The following CPA6 variants were observed in gnomAD, a reference collection of about 807,000 sequenced individuals.
CPA6 encodes the protein carboxypeptidase B.
In CPA6, 58 loss-of-function variants were observed where a neutral mutation model predicts 63.3. The observed-to-expected ratio is 0.92, with a 90% CI of 0.74 to 1.14. The LOEUF is 1.14. CPA6 is among the 50% of genes most tolerant of loss of function. The probability of loss-of-function intolerance (pLI) is 0.00; values close to 1 mark genes in which losing one functional copy is unlikely to be tolerated. For missense variants in CPA6, 565 were observed against 526.6 expected, an observed-to-expected ratio of 1.07 and a Z score of -0.71; for synonymous variants, 185 against 179.0, an observed-to-expected ratio of 1.03 and a Z score of -0.27.
intron 1 of CPA6, among the ~76,000 whole-genome samples, chr8:67,641,819 TAAAAA>T (rs200922321): frequency 6.8e-6 from 1 of 147,790 alleles, no homozygotes; most frequent in African/African-American, 2.5e-5. Flanking sequence ...ATAGCAAACT[TAAAAA>T]AAAAAGTAAC....
At chr8:67,671,521 A>T (rs973448292) in intron 1 of CPA6, among the ~76,000 whole-genome samples, 1 of 152,148 alleles carries the variant, frequency 6.6e-6, no homozygotes, top group Non-Finnish European at 1.5e-5. Context: ...AACAAGATAA[A>T]ATACTGCTTC....
intron 2 of CPA6, among the ~76,000 whole-genome samples, chr8:67,575,676 G>A (rs1587584245): frequency 6.6e-6 from 1 of 152,098 alleles, no homozygotes; most frequent in Admixed American, 6.5e-5. Context: ...GGCCAACATG[G>A]TGAAACCCTG....
chr8:67,673,393 T>A lies in CPA6; in HGVS notation c.117-49142A>T, dbSNP rs867248921. Reference sequence around the variant, plus strand: ...ATTATTATTATTATTTATTTATTTTTTTTTTTTTGAGACTGAATCTCGCTC... The same window carrying A: ...ATTATTATTATTATTTATTTATTTTATTTTTTTTGAGACTGAATCTCGCTC... On this transcript the variant is annotated intron_variant, in intron 1 of 10. Transcript: ENST00000297770. 1.9e-3 allele frequency among the ~76,000 whole-genome samples: 266 copies of A among 142,508 alleles called. 1 individual carries two copies. Among genetic ancestry groups the A allele is most frequent in the African/African-American group, 5.1e-3 (190 of 37,328 alleles). The allele number at this position is 142,508 out of a possible 152,430, so 93.5% of individuals were successfully genotyped here. A position where few individuals can be genotyped will look rare whatever the true frequency, so the allele number is the denominator to read the frequency against.
chr8:67,643,647 T>C (rs1381807439), intron 1 of CPA6, among the ~76,000 whole-genome samples: 1 of 152,002 alleles, frequency 6.6e-6, no homozygotes, highest in Non-Finnish European at 1.5e-5. Context: ...GAAGTACACA[T>C]GGGAGGATTC....
intron 1 of CPA6, among the ~76,000 whole-genome samples, chr8:67,673,356 A>ATTG (rs972970000): frequency 7.7e-6 from 1 of 129,954 alleles, no homozygotes; most frequent in Admixed American, 7.3e-5. Flanking sequence ...CTTTCAATTT[A>ATTG]TTATTATTAT....
intron 1 of CPA6, among the ~76,000 whole-genome samples, chr8:67,627,718 C>T (rs1266024567): frequency 2.0e-5 from 3 of 152,178 alleles, no homozygotes; most frequent in East Asian, 1.9e-4. Context: ...ATTACTAACA[C>T]TTATTAATCC....
At chr8:67,695,874 T>A (rs1279165374) in intron 1 of CPA6, among the ~76,000 whole-genome samples, 1 of 152,160 alleles carries the variant, frequency 6.6e-6, no homozygotes, top group Non-Finnish European at 1.5e-5. Context: ...TTACCCCTAG[T>A]GACCCACTAG....
intron 1 of CPA6, among the ~76,000 whole-genome samples, chr8:67,690,037 A>G (rs373467382): frequency 1.3e-5 from 2 of 151,968 alleles, no homozygotes; most frequent in African/African-American, 4.8e-5. Context: ...ATGATAATGA[A>G]TTTTTTTATA....
intron 9 of CPA6, among the ~76,000 whole-genome samples, chr8:67,429,010 C>T (rs1241919770): frequency 1.3e-5 from 2 of 152,176 alleles, no homozygotes; most frequent in East Asian, 3.8e-4. Flanking sequence ...ATTTAGAACA[C>T]ATCTGAATCA....
intron 2 of CPA6, among the ~76,000 whole-genome samples, chr8:67,529,536 C>T (rs1032961471): frequency 3.9e-5 from 6 of 152,064 alleles, no homozygotes; most frequent in African/African-American, 1.4e-4. Context: ...GATAATGGGC[C>T]CTCCAATATC....
chr8:67,497,720 C>CT (rs1811749524), intron 6 of CPA6, among the ~76,000 whole-genome samples: 1 of 150,828 alleles, frequency 6.6e-6, no homozygotes, highest in Non-Finnish European at 1.5e-5. Context: ...GAAATGGGGT[C>CT]TTGCTCTGTT....
intron 2 of CPA6, among the ~76,000 whole-genome samples, chr8:67,597,926 C>T (rs971443269): frequency 1.3e-5 from 2 of 152,136 alleles, no homozygotes; most frequent in Non-Finnish European, 2.9e-5. Context: ...TAATTTGAGA[C>T]CTACAATGGT....
Position 67,733,217 on chromosome 8 carries a change from A to AT in CPA6, c.116+12796_116+12797insA, listed in dbSNP as rs1563412988. On this transcript the variant is annotated intron_variant, in intron 1 of 10. Transcript: ENST00000297770. Reference sequence around the variant, plus strand: ...ATCTCAAAAAAAAAAAAAAAAAAAAAAAAAAAATAAAAAAATTTAGCGTCT... The same window carrying AT: ...ATCTCAAAAAAAAAAAAAAAAAAAAATAAAAAAATAAAAAAATTTAGCGTCT... Among the ~76,000 whole-genome samples the AT allele has an allele frequency of 8.0e-5, 10 of 124,672 alleles. No individual in the cohort carries two copies. The South Asian group carries it at 9.2e-4, about 11-fold the overall frequency. 81.8% of individuals were successfully genotyped at this position (124,672 alleles called of 152,430 possible).
chr8:67,423,703 G>GT (rs1330097043), intron 10 of CPA6, among the ~76,000 whole-genome samples: 1 of 152,128 alleles, frequency 6.6e-6, no homozygotes, highest in Non-Finnish European at 1.5e-5. Context: ...CATTACTGAA[G>GT]TCTTTTTCTG....
intron 2 of CPA6, among the ~76,000 whole-genome samples, chr8:67,534,811 G>A (rs903558224): frequency 3.9e-5 from 6 of 152,062 alleles, no homozygotes; most frequent in African/African-American, 7.2e-5. Flanking sequence ...GTGGTTTCCT[G>A]CACCCATCAA....
At chr8:67,500,453 T>G (rs988578514) in intron 6 of CPA6, among the ~76,000 whole-genome samples, 4 of 152,186 alleles carry the variant, frequency 2.6e-5, no homozygotes, top group Admixed American at 2.6e-4. Flanking sequence ...ATCTGTGATT[T>G]GCATATGTTT....
At chr8:67,450,117 C>G (rs1176359919) in intron 8 of CPA6, among the ~76,000 whole-genome samples, 1 of 152,080 alleles carries the variant, frequency 6.6e-6, no homozygotes, top group Non-Finnish European at 1.5e-5. Flanking sequence ...CGCCTGGCCA[C>G]CCAAGCCATC....
intron 1 of CPA6, among the ~76,000 whole-genome samples, chr8:67,649,039 A>G (rs933116737): frequency 6.6e-6 from 1 of 151,774 alleles, no homozygotes; most frequent in Non-Finnish European, 1.5e-5. Flanking sequence ...TTTGGAGGTG[A>G]TTGTTTTTTA....
At chr8:67,653,375 C>T (rs1206270549) in intron 1 of CPA6, among the ~76,000 whole-genome samples, 1 of 152,096 alleles carries the variant, frequency 6.6e-6, no homozygotes. Context: ...TACCCACGAG[C>T]ATGGAATGTT....
Sources: gnomAD v4.1 joint callset for allele counts (sites outside exome capture counted in the v4.1 genomes callset) on GRCh38, gnomAD v4.1.1 for gene constraint, MANE v1.5 for transcripts, NCBI Gene and HGNC (gene_info 2026-07-23, HGNC 2026-07-21) for gene names.